BCL2L14: variants seen among roughly 807,000 people sequenced by gnomAD.
BCL2L14 encodes the protein BCL2 like 14, also known as apoptosis facilitator Bcl-2-like protein 14.
A neutral mutation model predicts 35.3 loss-of-function variants in BCL2L14; 27 were observed. The observed-to-expected ratio is 0.76, with a 90% CI of 0.56 to 1.05. The LOEUF (loss-of-function observed/expected upper bound fraction) is 1.05. BCL2L14 is among the 50% of genes least tolerant of loss of function. BCL2L14 has a pLI of 0.00. For missense variants in BCL2L14, 377 were observed against 382.6 expected (o/e 0.99, Z 0.12); for synonymous variants, 139 against 145.9 (o/e 0.95, Z 0.34).
chr12:12,074,478 C>T (rs1948737469), intron 1 of BCL2L14, among the ~76,000 whole-genome samples: 1 of 151,778 alleles, frequency 6.6e-6, no homozygotes, highest in African/African-American at 2.4e-5. Context: ...CAGAGTCTGA[C>T]TCTATTACTC....
chr12:12,066,712 A>AT (rs1948598175), upstream of BCL2L14, among the ~76,000 whole-genome samples: 1 of 150,280 alleles, frequency 6.7e-6, no homozygotes, highest in South Asian at 2.1e-4. Context: ...CATTATTATT[A>AT]TTATTTTTTT....
intron 2 of BCL2L14, chr12:12,055,470 G>C (rs959699246): frequency 6.6e-6 from 1 of 152,166 alleles, no homozygotes; most frequent in Non-Finnish European, 1.5e-5. Context: ...AGATTTTGCA[G>C]GAATTAACAT....
At chr12:12,087,140 G>C in intron 2 of BCL2L14, 73 bp from the exon 3 acceptor site, 1 of 1,512,524 alleles carries the variant, frequency 6.6e-7, no homozygotes, top group Non-Finnish European at 9.1e-7. Context: ...TTTCATTCCA[G>C]GCAACTTTGC....
chr12:12,054,813 TG>T (rs763069158), intron 2 of BCL2L14: 2 of 151,870 alleles, frequency 1.3e-5, no homozygotes, highest in Non-Finnish European at 1.5e-5. Context: ...CCAGGCGTGG[TG>T]GCATGTGCCT....
intron 2 of BCL2L14, among the ~76,000 whole-genome samples, chr12:12,059,771 A>C (rs981098970): frequency 1.3e-5 from 2 of 152,046 alleles, no homozygotes; most frequent in African/African-American, 4.8e-5. Context: ...TAAGTGTCTT[A>C]TTTTCTTCTG....
intron 5 of BCL2L14, among the ~76,000 whole-genome samples, chr12:12,098,177 G>C (rs1949356588): frequency 1.3e-5 from 2 of 152,116 alleles, no homozygotes; most frequent in South Asian, 4.1e-4. Context: ...AAGACAATGG[G>C]AAGTAAGCCT....
rs1054934160 is a variant in BCL2L14, at chr12:12,090,109, A to G, written c.608-670A>G. The stretch of plus-strand genomic sequence containing the variant: ...TCTGCTGAGGAAAAATCCAAAAACC[A>G]GAAGAATATTCCCCCTAAATATCTT... On this transcript the variant is annotated intron_variant, in intron 3 of 5. Coordinates refer to ENST00000308721, the MANE Select transcript of BCL2L14 (RefSeq NM_138723.2). 1.8e-4 allele frequency among the ~76,000 whole-genome samples: 28 copies of G among 152,292 alleles called. No individual in the cohort carries two copies. In the East Asian group the frequency reaches 4.8e-3, roughly 26 times the overall value.
At chr12:12,080,956 G>A (rs1032027525) in intron 2 of BCL2L14, among the ~76,000 whole-genome samples, 2 of 152,120 alleles carry the variant, frequency 1.3e-5, no homozygotes, top group Non-Finnish European at 1.5e-5. Flanking sequence ...GGCCAAGGTG[G>A]GTGGATCGGT....
intron 1 of BCL2L14, chr12:12,078,139 A>G (rs1948822389): frequency 5.4e-6 from 1 of 184,142 alleles, no homozygotes; most frequent in South Asian, 9.7e-5. Context: ...AAAACTTTGA[A>G]CAGCTCTCCA....
At position 12,098,935 on chromosome 12, in the gene BCL2L14, A is replaced by G; in HGVS notation, c.946-15A>G. The G allele has an allele frequency of 6.4e-7, 1 of 1,568,546 alleles. No individual in the cohort carries two copies. The highest frequency in any genetic ancestry group is 8.8e-7 in the Non-Finnish European group (1 of 1,138,586). On this transcript the variant is annotated splice_polypyrimidine_tract_variant and intron_variant, in intron 5 of 5. Transcript: ENST00000308721. The stretch of plus-strand genomic sequence containing the variant: ...ATCTAACTTGGAATTTTAAGAACCT[A>G]TTTTTCCCCTCTAGGAAAAAATACT...
intron 2 of BCL2L14, among the ~76,000 whole-genome samples, chr12:12,059,118 T>G (rs138697948): frequency 0.011 from 1,631 of 152,332 alleles, 20 homozygotes; most frequent in African/African-American, 0.03. Context: ...GGACTGGGAA[T>G]GCAGCCTTCC....
chr12:12,079,459 A>C lies in BCL2L14; in HGVS notation c.154A>C (p.Ser52Arg), dbSNP rs1437101041. The C allele has an allele frequency of 9.9e-6, 16 of 1,614,216 alleles. No individual in the cohort carries two copies. Among genetic ancestry groups the C allele is most frequent in the Non-Finnish European group, 1.4e-5 (16 of 1,180,032 alleles). Residue 52 changes from serine (S) to arginine (R), a missense_variant, in exon 2 of 6, where the codon AGT becomes CGT. Physicochemically the swap from Ser to Arg is moderately radical, Grantham distance 110. Transcript: ENST00000308721. ...LFSPKLLRTRSLSQRGLGNCS... is the reference protein window; with the variant it reads ...LFSPKLLRTRRLSQRGLGNCS... ...CTCACCAAAGCTGCTGAGAACAAGA[A>C]GTTTGTCCCAGAGGGGCCTGGGGAA...
rs147192965 is a variant in BCL2L14 at position 12,080,137 on chromosome 12, G to A, written c.433+399G>A. ...GGAGAATGGCGTGAACCCAGCAGGC[G>A]GAGCTTGCAGTGAGCCAAGATGGCA... is the stretch of plus-strand genomic sequence containing the variant. On this transcript the variant is annotated intron_variant, in intron 2 of 5. Transcript: ENST00000308721. Among the ~76,000 whole-genome samples, 856 of 151,932 alleles carry A rather than the reference G, an allele frequency of 5.6e-3. 5 individuals are homozygous for A. Among genetic ancestry groups the A allele is most frequent in the Middle Eastern group, 0.01 (3 of 290 alleles).
chr12:12,064,366 C>A (rs1948569115), intron 2 of BCL2L14, among the ~76,000 whole-genome samples: 1 of 148,186 alleles, frequency 6.7e-6, no homozygotes, highest in Admixed American at 6.9e-5. Flanking sequence ...GTCTCAAACA[C>A]CTGGCCTCAT....
At chr12:12,053,957 T>A (rs929187170) in intron 2 of BCL2L14, among the ~76,000 whole-genome samples, 5 of 152,122 alleles carry the variant, frequency 3.3e-5, no homozygotes, top group Admixed American at 1.3e-4. Flanking sequence ...TAGCTTATAG[T>A]TTCACCCTAC....
upstream of BCL2L14, among the ~76,000 whole-genome samples, chr12:12,067,461 G>A: frequency 6.6e-6 from 1 of 152,004 alleles, no homozygotes; most frequent in Admixed American, 6.6e-5. Context: ...TGAGGTGGGA[G>A]AATAGCTTGA....
intron 2 of BCL2L14, among the ~76,000 whole-genome samples, chr12:12,085,386 C>A (rs1193263146): frequency 1.3e-5 from 2 of 152,198 alleles, no homozygotes; most frequent in African/African-American, 2.4e-5. Context: ...TGGAAGATAG[C>A]CTCTTGCCAT....
intron 3 of BCL2L14, among the ~76,000 whole-genome samples, chr12:12,090,050 T>C (rs912982118): frequency 2.0e-5 from 3 of 152,154 alleles, no homozygotes; most frequent in African/African-American, 7.2e-5. Context: ...TAATCAAATA[T>C]GAGATTTATG....
At chr12:12,057,235 A>G (rs1948446655) in intron 2 of BCL2L14, among the ~76,000 whole-genome samples, 1 of 152,250 alleles carries the variant, frequency 6.6e-6, no homozygotes, top group South Asian at 2.1e-4. Flanking sequence ...TATAATATGC[A>G]AGGAATTATT....
Sources: allele counts gnomAD v4.1 joint callset (sites outside exome capture counted in the v4.1 genomes callset), GRCh38; gene constraint gnomAD v4.1.1; transcripts MANE v1.5; gene names NCBI Gene and HGNC (gene_info 2026-07-23, HGNC 2026-07-21).